The following PLEKHG4B variants were observed in gnomAD, a reference collection of about 807,000 sequenced individuals.
PLEKHG4B encodes the protein pleckstrin homology domain-containing family G member 4B.
A neutral mutation model predicts 121.3 loss-of-function variants in PLEKHG4B; 111 were observed. That is an observed-to-expected ratio of 0.92 (90% CI 0.78 to 1.07). The LOEUF (loss-of-function observed/expected upper bound fraction) is 1.07. Ranked by LOEUF, PLEKHG4B falls within the 50% of genes least tolerant of loss-of-function variation. PLEKHG4B has a pLI of 0.00. For missense variants in PLEKHG4B, 1,831 were observed against 1,757.8 expected, an observed-to-expected ratio of 1.04 and a Z score of -0.74; for synonymous variants, 738 against 725.0, an observed-to-expected ratio of 1.02 and a Z score of -0.29.
intron 13 of PLEKHG4B, among the ~76,000 whole-genome samples, chr5:165,609 C>G (rs1260843209): frequency 3.1e-4 from 11 of 35,718 alleles, no homozygotes; most frequent in Admixed American, 6.3e-4. Flanking sequence ...CACTAATGCT[C>G]TGACGGGGCG....
At chr5:162,236 A>G (rs1252945793) in intron 12 of PLEKHG4B, among the ~76,000 whole-genome samples, 1 of 151,290 alleles carries the variant, frequency 6.6e-6, no homozygotes, top group Admixed American at 6.6e-5. Flanking sequence ...AACCCTAAAC[A>G]AGTGCTACAG....
chr5:124,211 T>C (rs754437888), intron 2 of PLEKHG4B, among the ~76,000 whole-genome samples: 16 of 152,238 alleles, frequency 1.1e-4, no homozygotes, highest in Non-Finnish European at 1.8e-4. Flanking sequence ...ATAATTTGTA[T>C]GATATCTATC....
chr5:146,526 C>G (rs115469650), intron 6 of PLEKHG4B, among the ~76,000 whole-genome samples: 1 of 146,350 alleles, frequency 6.8e-6, no homozygotes, highest in African/African-American at 2.5e-5. Flanking sequence ...CTGTGGCCCT[C>G]CTTCCTCTTC....
At chr5:149,376 CTA>C in intron 6 of PLEKHG4B, among the ~76,000 whole-genome samples, 1 of 151,558 alleles carries the variant, frequency 6.6e-6, no homozygotes, top group Admixed American at 6.6e-5. Flanking sequence ...GACTCTGTCT[CTA>C]TGAAAAAAAA....
In PLEKHG4B at chr5:101,816, C is replaced by T. The variant is rs193117711; in HGVS notation, c.45+9540C>T. Among the ~76,000 whole-genome samples the T allele has an allele frequency of 2.7e-3, 289 of 108,298 alleles. 1 individual carries two copies. The highest frequency in any genetic ancestry group is 5.5e-3 in the African/African-American group (103 of 18,844). The allele number at this position is 108,298 out of a possible 152,430, so 71.0% of individuals were successfully genotyped here. A position where few individuals can be genotyped will look rare whatever the true frequency, so the allele number is the denominator to read the frequency against. Reference sequence around the variant, plus strand: ...GTTGTGAGGTTAATCCATATAAAGCCCTGGAGAAAGTCTATAGGGGAGAGA... The same window carrying T: ...GTTGTGAGGTTAATCCATATAAAGCTCTGGAGAAAGTCTATAGGGGAGAGA... On this transcript the variant is annotated intron_variant, in intron 1 of 19. Transcript: ENST00000637938.
chr5:94,188 T>A (rs538269882), intron 1 of PLEKHG4B, among the ~76,000 whole-genome samples: 1 of 152,308 alleles, frequency 6.6e-6, no homozygotes, highest in African/African-American at 2.4e-5. Flanking sequence ...TCAAGGGCCC[T>A]GAAATTTTGG....
chr5:107,251 G>T (rs1553981196), intron 1 of PLEKHG4B, among the ~76,000 whole-genome samples: 1 of 152,186 alleles, frequency 6.6e-6, no homozygotes, highest in Admixed American at 6.5e-5. Context: ...ACTGGACAGG[G>T]CCTACTTGAT....
chr5:169,790 G>A (rs1177517380), intron 14 of PLEKHG4B, among the ~76,000 whole-genome samples, 198 bp downstream of exon 14: 3 of 152,248 alleles, frequency 2.0e-5, no homozygotes, highest in Non-Finnish European at 4.4e-5. Context: ...CCAGTGCTCG[G>A]TGCTTTGCGC....
rs138063738 is a variant in PLEKHG4B, at chr5:132,071, G to A, written c.244-7412G>A. Reference sequence around the variant, plus strand: ...CCACAAACAGTATTGTCCTCGGTGGGAGACTGAAAGCTTTTCCTCTGATAC... The same window carrying A: ...CCACAAACAGTATTGTCCTCGGTGGAAGACTGAAAGCTTTTCCTCTGATAC... On this transcript the variant is annotated intron_variant, in intron 2 of 19. Coordinates refer to ENST00000637938, the MANE Select transcript of PLEKHG4B (RefSeq NM_052909.5). 6.9e-3 allele frequency among the ~76,000 whole-genome samples: 1,055 copies of A among 151,924 alleles called. 14 individuals carry two copies. The highest frequency in any genetic ancestry group is 0.024 in the African/African-American group (995 of 41,402).
At position 162,756 on chromosome 5, in the gene PLEKHG4B, C is replaced by G; in HGVS notation, c.2684C>G (p.Ala895Gly). The change falls in exon 13 of 20, where the codon GCT (alanine) becomes GGT (glycine). Residue 895 changes from alanine (A) to glycine (G), a missense_variant. Coordinates refer to ENST00000637938, the MANE Select transcript of PLEKHG4B (RefSeq NM_052909.5). ...SSWMGPLDPEACPSSPVAECL... is the reference protein window; with the variant it reads ...SSWMGPLDPEGCPSSPVAECL... Reference sequence around the variant, plus strand: ...TGGATGGGGCCCCTGGACCCGGAGGCTTGTCCCTCCTCACCCGTGGCTGAG... The same window carrying G: ...TGGATGGGGCCCCTGGACCCGGAGGGTTGTCCCTCCTCACCCGTGGCTGAG... 6.8e-7 allele frequency: 1 copy of G among 1,467,570 alleles called. No homozygotes were observed. The highest frequency in any genetic ancestry group is 9.0e-7 in the Non-Finnish European group (1 of 1,109,256). 90.9% of individuals were successfully genotyped at this position (1,467,570 alleles called of 1,614,324 possible).
chr5:140,627 G>A lies in PLEKHG4B; in HGVS notation c.1388G>A (p.Gly463Asp). 1 of 1,610,566 alleles carries A rather than the reference G, an allele frequency of 6.2e-7. No individual in the cohort carries two copies. Among genetic ancestry groups the A allele is most frequent in the Non-Finnish European group, 8.5e-7 (1 of 1,178,730 alleles). ...AACHTSHHSA[G>D]SRPGGHLGGQ... ...TGCCACACCTCCCACCACTCAGCAG[G>A]CTCCAGGCCTGGGGGCCACCTAGGA... The change falls in exon 3 of 20, where the codon GGC becomes GAC. Residue 463 changes from glycine to aspartate, a missense_variant. By Grantham distance (94) the Gly-to-Asp change is moderately conservative. Transcript: ENST00000637938.
Position 156,873 on chromosome 5 carries a change from C to T in PLEKHG4B, c.2449C>T (p.Leu817Phe). The change falls in exon 11 of 20, where the codon CTC becomes TTC. Residue 817 changes from leucine (L) to phenylalanine (F), a missense_variant. Leu to Phe is a conservative substitution (Grantham distance 22). Coordinates refer to ENST00000637938, the MANE Select transcript of PLEKHG4B (RefSeq NM_052909.5). The surrounding 1 kb of genome is among the most constrained non-coding windows in gnomAD (Gnocchi z 4.4). Reference protein sequence around the residue: ...SNNRLQQLEHLRELASLLEGN... With the variant: ...SNNRLQQLEHFRELASLLEGN... ...CAATCGTCTCCAGCAGCTGGAGCAC[C>T]TCCGGGAGCTGGCGTCACTCCTGGA... 1 of 1,611,000 alleles carries T rather than the reference C, an allele frequency of 6.2e-7. No homozygotes were observed. Among genetic ancestry groups the T allele is most frequent in the Non-Finnish European group, 8.5e-7 (1 of 1,179,074 alleles).
At chr5:161,194 A>G (rs1735987987) in intron 11 of PLEKHG4B, among the ~76,000 whole-genome samples, 1 of 152,254 alleles carries the variant, frequency 6.6e-6, no homozygotes, top group Non-Finnish European at 1.5e-5. Context: ...GCGCGTAGCC[A>G]CAGGCGCTCC....
intron 12 of PLEKHG4B, 98 bp from the exon 13 acceptor site, chr5:162,624 G>A: frequency 1.1e-6 from 1 of 909,010 alleles, no homozygotes; most frequent in Non-Finnish European, 1.5e-6. Context: ...TGGCCCCCTG[G>A]TCCCTGAATA....
chr5:135,680 AAAATATATATATATATATATATATAT>A (rs1386074433), intron 2 of PLEKHG4B, among the ~76,000 whole-genome samples: 3 of 35,284 alleles, frequency 8.5e-5, no homozygotes, highest in South Asian at 9.7e-4. Context: ...AAAAAAAAAA[AAAATATATATATATATATATATATAT>A]ATATATATAT....
intron 13 of PLEKHG4B, chr5:169,119 C>T (rs1035620213): frequency 4.5e-5 from 26 of 576,634 alleles, no homozygotes; most frequent in African/African-American, 4.3e-4. Context: ...CGTGATCTAC[C>T]CGCCTCAGCC....
rs1170150642 is a variant in PLEKHG4B, at chr5:183,565, C to T, written c.*1242C>T. 1 of 152,214 alleles carries T rather than the reference C, an allele frequency of 6.6e-6. No homozygotes were observed. The highest frequency in any genetic ancestry group is 2.4e-5 in the African/African-American group (1 of 41,442). The allele number at this position is 152,214 out of a possible 1,614,324, so 9.4% of individuals were successfully genotyped here. On this transcript the variant is annotated 3_prime_UTR_variant, in exon 20 of 20. Transcript: ENST00000637938. The stretch of plus-strand genomic sequence containing the variant: ...CCATCCTGGCTAACATGGTGAAACC[C>T]CGCCTACTAAAAATACAAAAAATTA...
rs760015197 is a variant in PLEKHG4B at position 163,468 on chromosome 5, C to T, written c.3396C>T (p.Pro1132=). The stretch of plus-strand genomic sequence containing the variant: ...CGCTGTGGCAGCATGCCAGGAGCCC[C>T]CCGGTCACTCAGAGCCGGAGTCTGT... The part of the protein sequence containing the change: ...KLPLWQHARS[P]PVTQSRSLSS... Residue 1132 remains proline (P), a synonymous_variant, in exon 13 of 20, where the codon CCC becomes CCT. Coordinates refer to ENST00000637938, the MANE Select transcript of PLEKHG4B (RefSeq NM_052909.5). The T allele has an allele frequency of 5.8e-5, 93 of 1,612,724 alleles. No homozygotes were observed. The highest frequency in any genetic ancestry group is 7.4e-5 in the Non-Finnish European group (87 of 1,180,004).
Position 137,439 on chromosome 5 carries a change from C to T in PLEKHG4B, c.244-2044C>T, listed in dbSNP as rs1560919373. On this transcript the variant is annotated intron_variant, in intron 2 of 19. Transcript: ENST00000637938. The surrounding 1 kb of genome is among the most constrained non-coding windows in gnomAD (Gnocchi z 4.2). ...TATATCTGTTTACACACACACACAC[C>T]CTCCTCCCCACAGTCTCTGACTTCC... 6.6e-6 allele frequency among the ~76,000 whole-genome samples: 1 copy of T among 152,086 alleles called. No individual in the cohort carries two copies. The highest frequency in any genetic ancestry group is 1.9e-4 in the East Asian group (1 of 5,192).
Sources: allele counts gnomAD v4.1 joint callset (sites outside exome capture counted in the v4.1 genomes callset), GRCh38; gene constraint gnomAD v4.1.1; non-coding constraint Gnocchi (gnomAD v3.1); transcripts MANE v1.5; gene names NCBI Gene and HGNC (gene_info 2026-07-23, HGNC 2026-07-21).